The following COL21A1 variants were observed in gnomAD, a reference collection of about 807,000 sequenced individuals.
COL21A1 encodes collagen alpha-1(XXI) chain.
In COL21A1, 149 loss-of-function variants were observed where a neutral mutation model predicts 137.9. The ratio of observed to expected loss-of-function variants is 1.08; its 90% CI spans 0.95 to 1.24. The LOEUF is 1.24. Ranked by LOEUF, COL21A1 falls within the 50% of genes most tolerant of loss-of-function variation. The pLI is 0.00. For synonymous variants in COL21A1, 456 were observed against 391.5 expected, an observed-to-expected ratio of 1.16 and a Z score of -1.95; for missense variants, 1,167 against 1,158.4, an observed-to-expected ratio of 1.01 and a Z score of -0.11.
intron 1 of COL21A1, among the ~76,000 whole-genome samples, chr6:56,361,793 GTTC>G (rs1195371407): frequency 6.6e-6 from 1 of 151,916 alleles, no homozygotes; most frequent in African/African-American, 2.4e-5. Context: ...GTGTGTGTGT[GTTC>G]TTTTCTACAA....
chr6:56,303,285 G>C (rs1764348867), intron 1 of COL21A1, among the ~76,000 whole-genome samples: 1 of 152,330 alleles, frequency 6.6e-6, no homozygotes, highest in Admixed American at 6.5e-5. Flanking sequence ...AAAGTAGCTT[G>C]ATGGGGATGG....
chr6:56,164,551 T>C (rs1776430776), intron 8 of COL21A1, 45 bp from the exon 9 acceptor site: 3 of 1,321,668 alleles, frequency 2.3e-6, no homozygotes, highest in Non-Finnish European at 3.2e-6. Context: ...TGGAAAGACA[T>C]ATAAGTACAT....
At chr6:56,177,679 C>T (rs1777593479) in intron 3 of COL21A1, among the ~76,000 whole-genome samples, 1 of 151,020 alleles carries the variant, frequency 6.6e-6, no homozygotes, top group South Asian at 2.1e-4. Flanking sequence ...GTAGTCCCAG[C>T]TACTCGGGAG....
At chr6:56,307,287 C>T (rs971249440) in intron 1 of COL21A1, among the ~76,000 whole-genome samples, 1 of 152,338 alleles carries the variant, frequency 6.6e-6, no homozygotes, top group African/African-American at 2.4e-5. Context: ...GAGGATTCTG[C>T]TGCCTTTTGT....
In COL21A1 at chr6:56,225,882, T is replaced by C. The variant is rs543546740; in HGVS notation, c.-39+21505A>G. 1.2e-4 allele frequency: 18 copies of C among 152,150 alleles called. No individual in the cohort carries two copies. The South Asian group carries it at 1.2e-3, about 10-fold the overall frequency. The allele number at this position is 152,150 out of a possible 1,614,324, so 9.4% of individuals were successfully genotyped here. On this transcript the variant is annotated intron_variant, in intron 1 of 29. Coordinates refer to ENST00000244728, the MANE Select transcript of COL21A1 (RefSeq NM_030820.4). Reference sequence around the variant, plus strand: ...TACCATTCCTATGTGATGGTCTTCCTGTGGGCTTTGTTTCCTGGGTAGGAG... The same window carrying C: ...TACCATTCCTATGTGATGGTCTTCCCGTGGGCTTTGTTTCCTGGGTAGGAG...
intron 12 of COL21A1, among the ~76,000 whole-genome samples, chr6:56,128,617 C>T (rs377071111): frequency 2.6e-5 from 4 of 152,076 alleles, no homozygotes; most frequent in South Asian, 2.1e-4. Context: ...AGAAGGAGGT[C>T]GCCACATGAG....
chr6:56,077,302 CAAAGT>C (rs1338473964), intron 18 of COL21A1, among the ~76,000 whole-genome samples: 1 of 150,972 alleles, frequency 6.6e-6, no homozygotes, highest in Non-Finnish European at 1.5e-5. Context: ...TGAAAAGTAA[CAAAGT>C]AAAGGAGGAA....
chr6:56,075,640 A>G, intron 18 of COL21A1, 108 bp from the exon 19 acceptor site: 3 of 771,820 alleles, frequency 3.9e-6, no homozygotes, highest in Non-Finnish European at 4.0e-6. Context: ...CAATCAGTTC[A>G]CCTTTTTCTG....
chr6:56,158,650 C>T (rs73443729), intron 9 of COL21A1, among the ~76,000 whole-genome samples: 2,637 of 151,824 alleles, frequency 0.017, 73 homozygotes, highest in African/African-American at 0.061. Flanking sequence ...TATTACAGAG[C>T]CAAATTTCAT....
Position 56,179,888 on chromosome 6 carries a change from T to C in COL21A1, c.330A>G (p.Leu110=), listed in dbSNP as rs751359441. 42 of 1,613,840 alleles carry C rather than the reference T, an allele frequency of 2.6e-5. No individual in the cohort carries two copies. Among genetic ancestry groups the C allele is most frequent in the Non-Finnish European group, 3.6e-5 (42 of 1,179,860 alleles). Residue 110 remains leucine (L), a synonymous_variant, in exon 3 of 30, where the codon TTA becomes TTG. Transcript: ENST00000244728. ...LTAAVESILY[L]GGNTKTGKAI... ...CCTTCCCTGTCTTTGTGTTTCCTCC[T>C]AAGTAGAGTATGGATTCCACTGCTG...
chr6:56,348,584 G>A (rs1008198059), intron 1 of COL21A1, among the ~76,000 whole-genome samples: 5 of 152,114 alleles, frequency 3.3e-5, no homozygotes, highest in Non-Finnish European at 7.4e-5. Context: ...AAGAATTCTA[G>A]GACAACAAAA....
intron 10 of COL21A1, among the ~76,000 whole-genome samples, chr6:56,156,493 C>A (rs1775752727): frequency 6.6e-6 from 1 of 152,112 alleles, no homozygotes; most frequent in Non-Finnish European, 1.5e-5. Flanking sequence ...GAGAGCCACC[C>A]CTTTGAAATG....
chr6:56,094,418 G>C (rs978408080), intron 17 of COL21A1, among the ~76,000 whole-genome samples: 1 of 151,458 alleles, frequency 6.6e-6, no homozygotes, highest in African/African-American at 2.4e-5. Context: ...GATGAGAAAG[G>C]CTTTCTCCAC....
Position 56,171,010 on chromosome 6 carries a change from C to T in COL21A1, c.759G>A (p.Lys253=). 6.2e-7 allele frequency: 1 copy of T among 1,607,536 alleles called. No individual in the cohort carries two copies. The highest frequency in any genetic ancestry group is 2.2e-5 in the East Asian group (1 of 44,758). The change falls in exon 4 of 30, where the codon AAG becomes AAA. Residue 253 remains lysine (K), a synonymous_variant. Transcript: ENST00000244728. The stretch of plus-strand genomic sequence containing the variant: ...TTGATGTTACTTCATATCCTTTTAT[C>T]TTTTTTGGTGAAAGCTGTATTCTTT... ...VKKRIQLSPK[K]IKGYEVTSKV... is the part of the protein sequence containing the mutation.
chr6:56,131,323 T>C (rs1472959565), intron 12 of COL21A1, among the ~76,000 whole-genome samples: 3 of 151,444 alleles, frequency 2.0e-5, no homozygotes, highest in African/African-American at 7.3e-5. Context: ...TTGACTGTTA[T>C]TGGAAGTATT....
intron 1 of COL21A1, among the ~76,000 whole-genome samples, chr6:56,332,580 G>GCC (rs138594043): frequency 1.1e-4 from 16 of 147,564 alleles, no homozygotes; most frequent in African/African-American, 4.2e-4. Flanking sequence ...TCACCAAATA[G>GCC]CCCCCCCGCC....
chr6:56,345,501 T>G (rs983021469), intron 1 of COL21A1, among the ~76,000 whole-genome samples: 2 of 152,138 alleles, frequency 1.3e-5, no homozygotes, highest in Non-Finnish European at 2.9e-5. Flanking sequence ...CAGATAGAAA[T>G]GGAGAAGTCA....
intron 1 of COL21A1, among the ~76,000 whole-genome samples, chr6:56,219,604 A>G (rs567420444): frequency 6.6e-6 from 1 of 152,210 alleles, no homozygotes; most frequent in African/African-American, 2.4e-5. Flanking sequence ...GGTTTACAAA[A>G]CTGTTATTAA....
At chr6:56,346,580 C>A (rs1160788827) in intron 1 of COL21A1, among the ~76,000 whole-genome samples, 3 of 152,226 alleles carry the variant, frequency 2.0e-5, no homozygotes, top group Non-Finnish European at 4.4e-5. Flanking sequence ...TCCAAACACA[C>A]AAGAAGCATA....
Sources: gnomAD v4.1 joint callset for allele counts (sites outside exome capture counted in the v4.1 genomes callset) on GRCh38, gnomAD v4.1.1 for gene constraint, MANE v1.5 for transcripts, NCBI Gene and HGNC (gene_info 2026-07-23, HGNC 2026-07-21) for gene names.